CENPC: variants seen among roughly 807,000 people sequenced by gnomAD.
CENPC encodes the protein CENP-C 1.
CENPC carries 63 observed loss-of-function variants against 112.1 expected under a neutral mutation model. The ratio of observed to expected loss-of-function variants is 0.56; its 90% CI spans 0.46 to 0.69. The LOEUF is 0.69. Among genes scored for constraint, CENPC ranks in the 30% least tolerant of loss-of-function variants. The pLI is 0.00. For synonymous variants in CENPC, 333 were observed against 367.6 expected, an observed-to-expected ratio of 0.91 and a Z score of 1.08; for missense variants, 1,000 against 1,103.8, an observed-to-expected ratio of 0.91 and a Z score of 1.33.
At chr4:67,488,768 A>T (rs1466839283) in intron 17 of CENPC, among the ~76,000 whole-genome samples, 3 of 151,960 alleles carry the variant, frequency 2.0e-5, no homozygotes, top group Non-Finnish European at 4.4e-5. Flanking sequence ...TTCACTCATA[A>T]TAATAACTGG....
At chr4:67,535,138 G>C (rs1726678898) in intron 4 of CENPC, among the ~76,000 whole-genome samples, 2 of 152,012 alleles carry the variant, frequency 1.3e-5, no homozygotes, top group South Asian at 4.1e-4. Context: ...AGGGAGGCTT[G>C]ATATGAAAAA....
intron 4 of CENPC, among the ~76,000 whole-genome samples, chr4:67,538,908 T>C (rs902725593): frequency 1.3e-5 from 2 of 152,180 alleles, no homozygotes; most frequent in Admixed American, 1.3e-4. Flanking sequence ...TTCTCATATA[T>C]CTAAAATTTG....
In CENPC at chr4:67,493,632, G is replaced by A. The variant is rs896849598; in HGVS notation, c.2290+252C>T. 2.2e-5 allele frequency: 7 copies of A among 319,074 alleles called. No homozygotes were observed. The South Asian group carries it at 2.3e-4, about 10-fold the overall frequency. 19.8% of individuals were successfully genotyped at this position (319,074 alleles called of 1,614,324 possible). A position where few individuals can be genotyped will look rare whatever the true frequency, so the allele number is the denominator to read the frequency against. On this transcript the variant is annotated intron_variant, in intron 14 of 18. Coordinates refer to ENST00000273853, the MANE Select transcript of CENPC (RefSeq NM_001812.4). ...CCTTTACCAGTTACAATTTTCTCAC[G>A]TTCTAATCTAACGCTTTATATTATG...
At position 67,508,896 on chromosome 4, in the gene CENPC, C is replaced by T. The variant is rs1156751536; in HGVS notation, c.1822G>A (p.Glu608Lys). 1 of 1,613,720 alleles carries T rather than the reference C, an allele frequency of 6.2e-7. No homozygotes were observed. Among genetic ancestry groups the T allele is most frequent in the Admixed American group, 1.7e-5 (1 of 59,928 alleles). The change falls in exon 10 of 19, where the codon GAA (glutamate) becomes AAA (lysine). Residue 608 changes from glutamate (E) to lysine (K), a missense_variant. Glu to Lys is a moderately conservative substitution (Grantham distance 56, BLOSUM62 1). Transcript: ENST00000273853. ...EGSGGIVGHD[E>K]ISRCSLSEPL... ...TCACTCAGCGAACATCTGGAAATTT[C>T]ATCATGACCAACGATACCTCCAGAA...
At position 67,544,158 on chromosome 4, in the gene CENPC, C is replaced by A; in HGVS notation, c.56G>T (p.Arg19Leu). The A allele has an allele frequency of 6.5e-7, 1 of 1,537,734 alleles. No individual in the cohort carries two copies. The highest frequency in any genetic ancestry group is 1.1e-5 in the South Asian group (1 of 88,856). ...LKNGYRRRFC[R>L]PSRARDINTE... Reference sequence around the variant, plus strand: ...TAAGTACGTAAATCACCTGGAAGGTCGACAAAATCTTCTTCTGTAGCCATT... The same window carrying A: ...TAAGTACGTAAATCACCTGGAAGGTAGACAAAATCTTCTTCTGTAGCCATT... The change falls in exon 2 of 19, where the codon CGA becomes CTA. Residue 19 changes from arginine (R) to leucine (L), a missense_variant. By Grantham distance (102) the Arg-to-Leu change is moderately radical. Coordinates refer to ENST00000273853, the MANE Select transcript of CENPC (RefSeq NM_001812.4).
rs1724692819 is a variant in CENPC, at chr4:67,472,469, T to C, written c.*136A>G. 6 of 1,132,872 alleles carry C rather than the reference T, an allele frequency of 5.3e-6. No homozygotes were observed. The highest frequency in any genetic ancestry group is 3.3e-5 in the East Asian group (1 of 30,430). The allele number at this position is 1,132,872 out of a possible 1,614,324, so 70.2% of individuals were successfully genotyped here. ...ATGTGAGTTAGAAATGTTTATCAAA[T>C]ACAAGTCTACAGAAAACTGAATAAA... On this transcript the variant is annotated 3_prime_UTR_variant, in exon 19 of 19. Transcript: ENST00000273853.
chr4:67,479,503 T>C (rs752519835), intron 17 of CENPC, among the ~76,000 whole-genome samples: 13 of 152,038 alleles, frequency 8.6e-5, no homozygotes, highest in Non-Finnish European at 1.5e-4. Flanking sequence ...AAGATGAAAA[T>C]TGAAAAATTC....
chr4:67,493,774 T>G (rs576916674), intron 14 of CENPC, 110 bp downstream of exon 14: 240 of 613,342 alleles, frequency 3.9e-4, no homozygotes, highest in African/African-American at 3.5e-3. Context: ...TATCAAAATT[T>G]GGGGGGGTGA....
chr4:67,537,744 G>A (rs1050090179), intron 4 of CENPC, among the ~76,000 whole-genome samples: 1 of 152,154 alleles, frequency 6.6e-6, no homozygotes, highest in Non-Finnish European at 1.5e-5. Flanking sequence ...AGTGAGCCAA[G>A]ATAGCACCAC....
Position 67,508,921 on chromosome 4 carries a change from A to G in CENPC, c.1797T>C (p.Gly599=). 6.2e-7 allele frequency: 1 copy of G among 1,613,646 alleles called. No homozygotes were observed. Among genetic ancestry groups the G allele is most frequent in the Non-Finnish European group, 8.5e-7 (1 of 1,179,746 alleles). ...QRVQKFLNAE[G]SGGIVGHDEI... is the part of the protein sequence containing the mutation. ...CATCATGACCAACGATACCTCCAGA[A>G]CCTTCAGCATTTAAAAACTTCTGTA... The change falls in exon 10 of 19, where the codon GGT becomes GGC. Residue 599 remains glycine, a synonymous_variant. Coordinates refer to ENST00000273853, the MANE Select transcript of CENPC (RefSeq NM_001812.4).
chr4:67,480,627 CAGAG>C (rs1724930278), intron 17 of CENPC, among the ~76,000 whole-genome samples: 1 of 152,108 alleles, frequency 6.6e-6, no homozygotes. Context: ...TTCCAAAAGA[CAGAG>C]AGGAGTCAAT....
intron 17 of CENPC, among the ~76,000 whole-genome samples, chr4:67,480,863 A>AT (rs1328841597): frequency 6.6e-6 from 1 of 152,180 alleles, no homozygotes; most frequent in Non-Finnish European, 1.5e-5. Flanking sequence ...AAAGTTGAAA[A>AT]GTTTCTCCTG....
chr4:67,475,309 G>C (rs1231122086), intron 17 of CENPC, among the ~76,000 whole-genome samples: 1 of 152,240 alleles, frequency 6.6e-6, no homozygotes, highest in Non-Finnish European at 1.5e-5. Flanking sequence ...CACTAAAGAT[G>C]TGGGGCCATA....
At position 67,519,102 on chromosome 4, in the gene CENPC, T is replaced by G. The variant is rs1299790016; in HGVS notation, c.617+115A>C. 4 of 735,178 alleles carry G rather than the reference T, an allele frequency of 5.4e-6. No homozygotes were observed. In the African/African-American group the frequency reaches 7.1e-5, roughly 13 times the overall value. The allele number at this position is 735,178 out of a possible 1,614,324, so 45.5% of individuals were successfully genotyped here. A position where few individuals can be genotyped will look rare whatever the true frequency, so the allele number is the denominator to read the frequency against. ...GCTAAATGTATACTTTCTCATAACA[T>G]GTTAATATTCCTCCTTCCTTAGTGT... On this transcript the variant is annotated intron_variant, in intron 6 of 18. Transcript: ENST00000273853.
Position 67,493,932 on chromosome 4 carries a change from A to G in CENPC, c.2242T>C (p.Leu748=). 2 of 1,613,162 alleles carry G rather than the reference A, an allele frequency of 1.2e-6. No individual in the cohort carries two copies. Among genetic ancestry groups the G allele is most frequent in the South Asian group, 1.1e-5 (1 of 90,914 alleles). Residue 748 remains leucine, a synonymous_variant, in exon 14 of 19, where the codon TTG becomes CTG. Coordinates refer to ENST00000273853, the MANE Select transcript of CENPC (RefSeq NM_001812.4). ...ATTCGCTCTCCTCGCCAGTACTCCA[A>G]AGGTTTCAAACGTGTTCTCTTGGTC... ...RRTKRTRLKP[L]EYWRGERIDY...
At chr4:67,540,188 C>A (rs999135616) in intron 3 of CENPC, among the ~76,000 whole-genome samples, 10 of 152,150 alleles carry the variant, frequency 6.6e-5, no homozygotes, top group African/African-American at 1.9e-4. Flanking sequence ...AGAAAACATT[C>A]TTTTCTATCA....
At chr4:67,490,600 C>T (rs1241784908) in intron 16 of CENPC, among the ~76,000 whole-genome samples, 1 of 151,544 alleles carries the variant, frequency 6.6e-6, no homozygotes, top group Non-Finnish European at 1.5e-5. Flanking sequence ...TGTATCATCA[C>T]CATGCCAATA....
At chr4:67,514,043 G>A (rs1202323078) in intron 8 of CENPC, 31 bp downstream of exon 8, 4 of 1,520,856 alleles carry the variant, frequency 2.6e-6, no homozygotes, top group South Asian at 1.3e-5. Context: ...GTAGAATAAT[G>A]CTCATGGTTA....
chr4:67,505,207 G>A lies in CENPC; in HGVS notation c.2129C>T (p.Ser710Leu), dbSNP rs1210440363. 1 of 1,566,076 alleles carries A rather than the reference G, an allele frequency of 6.4e-7. No homozygotes were observed. The highest frequency in any genetic ancestry group is 8.7e-7 in the Non-Finnish European group (1 of 1,153,592). ...DVDDEEVHGS[S>L]DDSKQSKVIP... ...ACAGAAAAAAAACAATAGTTTACCT[G>A]AACTTCCATGAACTTCCTCATCATC... The change falls in exon 12 of 19, where the codon TCA becomes TTA. Residue 710 changes from serine to leucine, a missense_variant and splice_region_variant. Transcript: ENST00000273853.
Sources: gnomAD v4.1 joint callset for allele counts (sites outside exome capture counted in the v4.1 genomes callset) on GRCh38, gnomAD v4.1.1 for gene constraint, MANE v1.5 for transcripts, NCBI Gene and HGNC (gene_info 2026-07-23, HGNC 2026-07-21) for gene names.